The following SULF1 variants were observed in gnomAD, a reference collection of about 807,000 sequenced individuals.
SULF1 encodes the protein extracellular sulfatase Sulf-1.
SULF1 carries 46 observed loss-of-function variants against 110.5 expected under a neutral mutation model. That is an observed-to-expected ratio of 0.42 (90% CI 0.33 to 0.53). The LOEUF (loss-of-function observed/expected upper bound fraction) is 0.53. SULF1 is among the 20% of genes least tolerant of loss of function. The probability of loss-of-function intolerance (pLI) is 0.12; values close to 1 mark genes in which losing one functional copy is unlikely to be tolerated. For synonymous variants in SULF1, 371 were observed against 387.1 expected (o/e 0.96, Z 0.49); for missense variants, 941 against 1,094.2 (o/e 0.86, Z 1.98).
chr8:69,497,905 G>T (rs962898489), intron 2 of SULF1, among the ~76,000 whole-genome samples: 5 of 152,078 alleles, frequency 3.3e-5, no homozygotes, highest in African/African-American at 9.7e-5. Context: ...TTAACTTCTC[G>T]ATATATTCTC....
chr8:69,519,607 A>G (rs1282472027), intron 3 of SULF1, among the ~76,000 whole-genome samples: 1 of 152,186 alleles, frequency 6.6e-6, no homozygotes, highest in Non-Finnish European at 1.5e-5. Flanking sequence ...GACAATAATG[A>G]CACGTTATTC....
intron 1 of SULF1, chr8:69,469,401 A>C (rs1252733891): frequency 6.6e-6 from 1 of 152,214 alleles, no homozygotes; most frequent in Non-Finnish European, 1.5e-5. Context: ...CATTAAGGTG[A>C]CAGATCTTAG....
At chr8:69,586,996 G>C (rs571740469) in intron 7 of SULF1, among the ~76,000 whole-genome samples, 7 of 152,144 alleles carry the variant, frequency 4.6e-5, no homozygotes, top group Non-Finnish European at 1.0e-4. Context: ...CTTAGTATAC[G>C]TGACAAGGAC....
At chr8:69,616,697 C>T (rs118025215) in intron 13 of SULF1, among the ~76,000 whole-genome samples, 17,059 of 142,858 alleles carry the variant, frequency 0.12, 1,274 homozygotes, top group Middle Eastern at 0.22. Flanking sequence ...CTACTGTGCC[C>T]GGCCGTTTTT....
intron 1 of SULF1, among the ~76,000 whole-genome samples, chr8:69,485,482 GCTGT>G (rs1158373119): frequency 1.3e-5 from 2 of 152,130 alleles, no homozygotes; most frequent in Admixed American, 6.5e-5. Flanking sequence ...CACTCCCTTG[GCTGT>G]CTGTCACCCT....
Position 69,513,467 on chromosome 8 carries a change from A to G in SULF1, c.-134+11499A>G, listed in dbSNP as rs1367853167. Among the ~76,000 whole-genome samples, 4 of 152,370 alleles carry G rather than the reference A, an allele frequency of 2.6e-5. No homozygotes were observed. In the East Asian group the frequency reaches 5.8e-4, roughly 22 times the overall value. ...TGAATAATCCCCAAAGCTCTTTGCC[A>G]TACACCAATGTCTCTTAAAAGTAGC... On this transcript the variant is annotated intron_variant, in intron 3 of 22. Transcript: ENST00000402687.
chr8:69,529,495 G>A (rs929708392), intron 3 of SULF1, among the ~76,000 whole-genome samples: 2 of 152,180 alleles, frequency 1.3e-5, no homozygotes, highest in Non-Finnish European at 2.9e-5. Flanking sequence ...AAAACAAAAT[G>A]TAAGAGACTT....
intron 22 of SULF1, among the ~76,000 whole-genome samples, chr8:69,641,889 AG>A (rs1435346256): frequency 1.3e-4 from 19 of 151,862 alleles, no homozygotes; most frequent in African/African-American, 4.4e-4. Flanking sequence ...TGTGCTCTGG[AG>A]GGGGGACGCA....
chr8:69,630,436 G>C (rs752740422), intron 19 of SULF1, among the ~76,000 whole-genome samples: 1 of 152,286 alleles, frequency 6.6e-6, no homozygotes, highest in Non-Finnish European at 1.5e-5. Context: ...CTCAAACTGG[G>C]ATTTGGAGAC....
At chr8:69,506,926 C>T (rs1022461153) in intron 3 of SULF1, among the ~76,000 whole-genome samples, 2 of 152,190 alleles carry the variant, frequency 1.3e-5, no homozygotes, top group Non-Finnish European at 2.9e-5. Flanking sequence ...TTGTTCTATG[C>T]TCAAAAGCGC....
chr8:69,603,581 AT>A lies in SULF1; in HGVS notation c.1191-17del, dbSNP rs753841746. 4.4e-6 allele frequency: 7 copies of A among 1,603,718 alleles called. No homozygotes were observed. Among genetic ancestry groups the A allele is most frequent in the Admixed American group, 1.7e-5 (1 of 59,994 alleles). Reference sequence around the variant, plus strand: ...AAACGTCCAGATGCCAAAAGTAAATATTATCATTTTGCTTTCAGGTTTCGAA... The same window carrying A: ...AAACGTCCAGATGCCAAAAGTAAATATATCATTTTGCTTTCAGGTTTCGAA... On this transcript the variant is annotated intron_variant, in intron 11 of 22. Transcript: ENST00000402687.
rs372718357 is a variant in SULF1 at position 69,550,117 on chromosome 8, C to T, written c.-133-13422C>T. Among the ~76,000 whole-genome samples, 38 of 151,560 alleles carry T rather than the reference C, an allele frequency of 2.5e-4. 1 individual carries two copies. The South Asian group carries it at 7.5e-3, about 30-fold the overall frequency. Reference sequence around the variant, plus strand: ...TTTTTCCAGTTTGAAATTCTCTAGGCATACAAGATCTTTTAGAGTGTAAAT... The same window carrying T: ...TTTTTCCAGTTTGAAATTCTCTAGGTATACAAGATCTTTTAGAGTGTAAAT... On this transcript the variant is annotated intron_variant, in intron 3 of 22. Coordinates refer to ENST00000402687, the MANE Select transcript of SULF1 (RefSeq NM_001128205.2).
In SULF1 at chr8:69,588,211, G is replaced by A. The variant is rs79257159; in HGVS notation, c.565-761G>A. ...TTTCCTCCCTCCCTCTTACAGACCT[G>A]CATCAGCCCCCCCTGACTGTGGGTT... On this transcript the variant is annotated intron_variant, in intron 7 of 22. Transcript: ENST00000402687. Among the ~76,000 whole-genome samples, 903 of 152,122 alleles carry A rather than the reference G, an allele frequency of 5.9e-3. 9 individuals are homozygous for A. Among genetic ancestry groups the A allele is most frequent in the African/African-American group, 0.021 (853 of 41,458 alleles).
intron 6 of SULF1, among the ~76,000 whole-genome samples, chr8:69,583,764 A>G (rs1806251983): frequency 1.3e-5 from 2 of 152,206 alleles, no homozygotes; most frequent in African/African-American, 4.8e-5. Flanking sequence ...CAAAAAGCTT[A>G]CAGTCTAGCA....
chr8:69,511,989 A>T (rs1811598670), intron 3 of SULF1, among the ~76,000 whole-genome samples: 1 of 152,216 alleles, frequency 6.6e-6, no homozygotes, highest in Non-Finnish European at 1.5e-5. Context: ...AGATGAAAAT[A>T]AAATTCCTAG....
At chr8:69,558,022 A>G (rs181444505) in intron 3 of SULF1, among the ~76,000 whole-genome samples, 68 of 152,328 alleles carry the variant, frequency 4.5e-4, no homozygotes, top group South Asian at 1.2e-3. Flanking sequence ...CTGGAGATTA[A>G]CAGTAGGTGA....
At position 69,604,738 on chromosome 8, in the gene SULF1, G is replaced by A. The variant is rs921617826; in HGVS notation, c.1248-65G>A. ...GTGACAGGGTAAAAAAAAAAAGGGG[G>A]CAGGACTCAGGGACCGTAATTCAGA... On this transcript the variant is annotated intron_variant, in intron 12 of 22. Coordinates refer to ENST00000402687, the MANE Select transcript of SULF1 (RefSeq NM_001128205.2). 1.9e-6 allele frequency: 3 copies of A among 1,585,712 alleles called. No individual in the cohort carries two copies. The African/African-American group carries it at 4.1e-5, about 22-fold the overall frequency.
At chr8:69,634,854 C>A (rs985850889) in intron 19 of SULF1, among the ~76,000 whole-genome samples, 1 of 152,202 alleles carries the variant, frequency 6.6e-6, no homozygotes, top group African/African-American at 2.4e-5. Context: ...GACCCCCAGG[C>A]TGGAGTGCAA....
At chr8:69,576,807 A>G (rs1805642116) in intron 6 of SULF1, among the ~76,000 whole-genome samples, 1 of 152,246 alleles carries the variant, frequency 6.6e-6, no homozygotes, top group East Asian at 1.9e-4. Flanking sequence ...TAGAAGGGCT[A>G]CAGTGCAGAC....
Sources: allele counts gnomAD v4.1 joint callset (sites outside exome capture counted in the v4.1 genomes callset), GRCh38; gene constraint gnomAD v4.1.1; transcripts MANE v1.5; gene names NCBI Gene and HGNC (gene_info 2026-07-23, HGNC 2026-07-21).